The following CD300LD variants were observed in gnomAD, a reference collection of about 807,000 sequenced individuals.
The protein encoded by CD300LD is CD300 molecule like family member d.
A neutral mutation model predicts 20.3 loss-of-function variants in CD300LD; 18 were observed. The ratio of observed to expected loss-of-function variants is 0.89; its 90% CI spans 0.61 to 1.32. CD300LD has a LOEUF of 1.32. Among genes scored for constraint, CD300LD ranks in the 40% most tolerant of loss-of-function variants. CD300LD has a pLI of 0.00. For synonymous variants in CD300LD, 104 were observed against 90.1 expected, an observed-to-expected ratio of 1.15 and a Z score of -0.87; for missense variants, 195 against 226.6, an observed-to-expected ratio of 0.86 and a Z score of 0.90.
intron 1 of CD300LD, among the ~76,000 whole-genome samples, chr17:74,591,022 C>A (rs1045740953): frequency 4.1e-4 from 62 of 152,010 alleles, no homozygotes; most frequent in Non-Finnish European, 1.6e-4. Flanking sequence ...CTGCAGTGAA[C>A]CCTGATCCCA....
At chr17:74,580,564 T>C (rs1805036205) in intron 3 of CD300LD, among the ~76,000 whole-genome samples, 1 of 152,212 alleles carries the variant, frequency 6.6e-6, no homozygotes, top group Non-Finnish European at 1.5e-5. Flanking sequence ...GCTCTGACCC[T>C]CTTCCTGTGG....
chr17:74,588,155 TG>T (rs2030212190), intron 2 of CD300LD, among the ~76,000 whole-genome samples: 1 of 152,168 alleles, frequency 6.6e-6, no homozygotes, highest in South Asian at 2.1e-4. Flanking sequence ...CACCTCGTGG[TG>T]GCGGAACTGA....
intron 3 of CD300LD, among the ~76,000 whole-genome samples, 185 bp downstream of exon 3, chr17:74,582,033 A>G (rs1204255343): frequency 6.6e-6 from 1 of 152,252 alleles, no homozygotes; most frequent in Non-Finnish European, 1.5e-5. Flanking sequence ...TAAACAACAT[A>G]TGCTTTTTTA....
rs144445413 is a variant in CD300LD at position 74,581,217 on chromosome 17, G to C, written c.473+1001C>G. Among the ~76,000 whole-genome samples, 193 of 152,158 alleles carry C rather than the reference G, an allele frequency of 1.3e-3. 2 individuals carry two copies. The highest frequency in any genetic ancestry group is 0.01 in the East Asian group (53 of 5,186). ...GAGGAGTCCTAAAGCCAGCTCCGTG[G>C]GTGGAGCTCTGCAGATGCATTCTCA... On this transcript the variant is annotated intron_variant, in intron 3 of 3. Transcript: ENST00000375352.
chr17:74,588,434 A>G (rs778419738), intron 2 of CD300LD, 77 bp downstream of exon 2: 1 of 914,238 alleles, frequency 1.1e-6, no homozygotes, highest in South Asian at 1.6e-5. Flanking sequence ...GTGACAGTTA[A>G]TTTACTCAAG....
downstream of CD300LD, among the ~76,000 whole-genome samples, chr17:74,579,193 C>T (rs753242494): frequency 6.6e-6 from 1 of 152,234 alleles, no homozygotes; most frequent in Non-Finnish European, 1.5e-5. Context: ...AACCTCTGCT[C>T]TCTTCTGTAC....
At chr17:74,591,723 A>C (rs1031160189) in intron 1 of CD300LD, among the ~76,000 whole-genome samples, 1 of 151,912 alleles carries the variant, frequency 6.6e-6, no homozygotes, top group Non-Finnish European at 1.5e-5. Flanking sequence ...AAAAGAATGA[A>C]GCTTTGATTT....
chr17:74,592,170 G>A lies in CD300LD; in HGVS notation c.33C>T (p.Ile11=). The A allele has an allele frequency of 1.9e-6, 3 of 1,614,178 alleles. No individual in the cohort carries two copies. The highest frequency in any genetic ancestry group is 2.5e-6 in the Non-Finnish European group (3 of 1,180,032). MWLSPSLLLL[I]LPGYSIAAKI... is the part of the protein sequence containing the mutation. The stretch of plus-strand genomic sequence containing the variant: ...AGCTCCAGCCACACTCACCTGGGAG[G>A]ATGAGAAGCAGCAGAGATGGGGACA... Residue 11 remains isoleucine, a synonymous_variant, in exon 1 of 4, where the codon ATC becomes ATT. Transcript: ENST00000375352.
At chr17:74,590,083 G>T (rs570745700) in intron 1 of CD300LD, among the ~76,000 whole-genome samples, 2 of 152,016 alleles carry the variant, frequency 1.3e-5, no homozygotes, top group Admixed American at 1.3e-4. Context: ...CACATGTTGT[G>T]GGGGGCACCA....
rs189245044 is a variant in CD300LD, at chr17:74,585,604, C to T, written c.379+2907G>A. ...CATAAGGCCCGATCCAAATAATCCT[C>T]AGCAGTTTATTCATGAACACACCCC... On this transcript the variant is annotated intron_variant, in intron 2 of 3. Transcript: ENST00000375352. Among the ~76,000 whole-genome samples, 4 of 152,292 alleles carry T rather than the reference C, an allele frequency of 2.6e-5. No homozygotes were observed. In the East Asian group the frequency reaches 7.7e-4, roughly 29 times the overall value.
In CD300LD at chr17:74,592,221, C is replaced by G; in HGVS notation, c.-19G>C. 1.2e-6 allele frequency: 2 copies of G among 1,614,188 alleles called. No homozygotes were observed. The highest frequency in any genetic ancestry group is 1.7e-5 in the Admixed American group (1 of 60,014). ...GCCACATGGTCCTGTCTCCTCTCCTCTCCTTGGTGATCACAGGTGTCTGGT... is the reference window on the plus strand; with the variant it reads ...GCCACATGGTCCTGTCTCCTCTCCTGTCCTTGGTGATCACAGGTGTCTGGT... On this transcript the variant is annotated 5_prime_UTR_variant, in exon 1 of 4. Coordinates refer to ENST00000375352, the MANE Select transcript of CD300LD (RefSeq NM_001115152.2).
chr17:74,588,911 G>C (rs1029153846), intron 1 of CD300LD, 62 bp from the exon 2 acceptor site: 1 of 1,222,318 alleles, frequency 8.2e-7, no homozygotes, highest in African/African-American at 1.5e-5. Context: ...ACAGCCTCGT[G>C]CATTGGGAGT....
chr17:74,580,536 G>T (rs1486107336), intron 3 of CD300LD, among the ~76,000 whole-genome samples: 1 of 152,134 alleles, frequency 6.6e-6, no homozygotes, highest in Non-Finnish European at 1.5e-5. Context: ...ATTCTTGAAG[G>T]CCTTGGAGGC....
intron 2 of CD300LD, among the ~76,000 whole-genome samples, chr17:74,584,278 A>G (rs1338773551): frequency 2.6e-5 from 4 of 152,160 alleles, no homozygotes; most frequent in African/African-American, 9.7e-5. Context: ...TGGTTGCATC[A>G]TGTGCATTCC....
Position 74,588,878 on chromosome 17 carries a change from C to G in CD300LD, c.41-29G>C, listed in dbSNP as rs763857125. The G allele has an allele frequency of 1.6e-5, 25 of 1,542,336 alleles. No individual in the cohort carries two copies. The South Asian group carries it at 2.9e-4, about 18-fold the overall frequency. ...GAAAACGCAAATTCATGTGTCGTCA[C>G]CTCCCACCCCAAGGGCAGGGCCACA... On this transcript the variant is annotated intron_variant, in intron 1 of 3. Coordinates refer to ENST00000375352, the MANE Select transcript of CD300LD (RefSeq NM_001115152.2).
intron 2 of CD300LD, among the ~76,000 whole-genome samples, chr17:74,587,968 G>A (rs1337972347): frequency 6.6e-6 from 1 of 152,176 alleles, no homozygotes; most frequent in East Asian, 1.9e-4. Context: ...TATGAGACCT[G>A]TCTTAGTCTA....
At chr17:74,581,397 T>C (rs1358495634) in intron 3 of CD300LD, among the ~76,000 whole-genome samples, 2 of 152,168 alleles carry the variant, frequency 1.3e-5, no homozygotes, top group African/African-American at 4.8e-5. Context: ...GTTTGGGCTC[T>C]GGCCTTGACC....
intron 2 of CD300LD, among the ~76,000 whole-genome samples, chr17:74,585,667 G>A (rs1387540311): frequency 6.6e-6 from 1 of 152,218 alleles, no homozygotes; most frequent in Non-Finnish European, 1.5e-5. Flanking sequence ...GAAAGCGAGT[G>A]TAGTTAATAA....
chr17:74,583,409 G>A (rs140439208), intron 2 of CD300LD, among the ~76,000 whole-genome samples: 160 of 152,336 alleles, frequency 1.1e-3, no homozygotes, highest in African/African-American at 3.5e-3. Context: ...TAGCAAGAAG[G>A]CAGCCACCTG....
Sources: allele counts gnomAD v4.1 joint callset (sites outside exome capture counted in the v4.1 genomes callset), GRCh38; gene constraint gnomAD v4.1.1; transcripts MANE v1.5; gene names NCBI Gene and HGNC (gene_info 2026-07-23, HGNC 2026-07-21).